Variants in CDH12 observed in about 807,000 individuals in gnomAD.
The protein encoded by CDH12 is cadherin-12.
A neutral mutation model predicts 74.1 loss-of-function variants in CDH12; 41 were observed. That is an observed-to-expected ratio of 0.55 (90% CI 0.43 to 0.72). The LOEUF is 0.72. Among genes scored for constraint, CDH12 ranks in the 30% least tolerant of loss-of-function variants. CDH12 has a pLI of 0.00. For missense variants in CDH12, 945 were observed against 977.2 expected (o/e 0.97, Z 0.44); for synonymous variants, 399 against 355.0 (o/e 1.12, Z -1.39).
intron 1 of CDH12, among the ~76,000 whole-genome samples, chr5:22,793,502 G>T (rs1263038683): frequency 6.6e-6 from 1 of 152,124 alleles, no homozygotes; most frequent in Non-Finnish European, 1.5e-5. Context: ...TGACACCATT[G>T]TATACTGTCT....
intron 6 of CDH12, among the ~76,000 whole-genome samples, chr5:21,899,294 G>T (rs914719418): frequency 2.0e-5 from 3 of 152,086 alleles, no homozygotes; most frequent in African/African-American, 7.2e-5. Flanking sequence ...TGGTTTTATA[G>T]ATCTCTTGAA....
intron 1 of CDH12, among the ~76,000 whole-genome samples, chr5:22,517,529 T>C (rs1467802378): frequency 6.6e-6 from 1 of 152,186 alleles, no homozygotes; most frequent in Non-Finnish European, 1.5e-5. Context: ...AGTAAATGAT[T>C]GATAGCCTCC....
chr5:22,704,471 G>A (rs560134551), intron 1 of CDH12, among the ~76,000 whole-genome samples: 19 of 151,968 alleles, frequency 1.3e-4, no homozygotes, highest in African/African-American at 4.3e-4. Flanking sequence ...AAAATATTAG[G>A]GTTATATCAC....
At chr5:21,864,864 A>C (rs1751244605) in intron 6 of CDH12, among the ~76,000 whole-genome samples, 1 of 152,180 alleles carries the variant, frequency 6.6e-6, no homozygotes, top group Non-Finnish European at 1.5e-5. Context: ...TGGAATGTTC[A>C]TAGAAATATG....
intron 5 of CDH12, among the ~76,000 whole-genome samples, chr5:22,064,720 T>C (rs1741441191): frequency 6.6e-6 from 1 of 152,132 alleles, no homozygotes; most frequent in Non-Finnish European, 1.5e-5. Flanking sequence ...CCTCTAACAT[T>C]ACTGAAAAAA....
chr5:22,849,789 A>C (rs1323356427), intron 1 of CDH12, among the ~76,000 whole-genome samples: 2 of 152,104 alleles, frequency 1.3e-5, no homozygotes, highest in Non-Finnish European at 2.9e-5. Flanking sequence ...CATATCTTAC[A>C]TTCAAGGTAA....
chr5:21,925,550 T>C (rs1000806758), intron 6 of CDH12, among the ~76,000 whole-genome samples: 3 of 152,180 alleles, frequency 2.0e-5, no homozygotes, highest in African/African-American at 7.2e-5. Context: ...GAAGCCACTA[T>C]TAAAATATAT....
At chr5:22,556,210 T>C (rs1738796839) in intron 1 of CDH12, among the ~76,000 whole-genome samples, 1 of 152,088 alleles carries the variant, frequency 6.6e-6, no homozygotes, top group South Asian at 2.1e-4. Context: ...GAAGGGGTAG[T>C]ATATTAACAC....
intron 1 of CDH12, among the ~76,000 whole-genome samples, chr5:22,803,183 T>G (rs1748623133): frequency 6.6e-6 from 1 of 152,214 alleles, no homozygotes; most frequent in African/African-American, 2.4e-5. Context: ...TATAAAAGTT[T>G]ATAATAGGCA....
intron 5 of CDH12, among the ~76,000 whole-genome samples, chr5:22,060,367 A>G (rs1741107547): frequency 6.6e-6 from 1 of 152,138 alleles, no homozygotes; most frequent in Non-Finnish European, 1.5e-5. Flanking sequence ...TACCTAATGC[A>G]TGCGGGACTT....
chr5:22,146,305 A>T (rs1286213676), intron 4 of CDH12, among the ~76,000 whole-genome samples: 1 of 151,008 alleles, frequency 6.6e-6, no homozygotes, highest in East Asian at 2.1e-4. Context: ...ACATGGCCTT[A>T]AAAAAGGTTA....
intron 6 of CDH12, among the ~76,000 whole-genome samples, chr5:21,927,421 T>G (rs1232345283): frequency 9.6e-5 from 3 of 31,264 alleles, no homozygotes; most frequent in African/African-American, 1.3e-4. Flanking sequence ...CTGTCTCTAC[T>G]AAAAATAAAA....
chr5:22,805,598 A>G (rs955413384), intron 1 of CDH12, among the ~76,000 whole-genome samples: 4 of 152,154 alleles, frequency 2.6e-5, no homozygotes, highest in Non-Finnish European at 5.9e-5. Context: ...TAAAGTTAAT[A>G]TATTTCATAA....
chr5:21,831,930 TA>T (rs1432656236), intron 8 of CDH12, among the ~76,000 whole-genome samples: 1 of 152,084 alleles, frequency 6.6e-6, no homozygotes, highest in Non-Finnish European at 1.5e-5. Flanking sequence ...TTTTAATTTC[TA>T]AAAAAGTCAC....
intron 6 of CDH12, chr5:21,883,506 G>T: frequency 6.2e-7 from 1 of 1,612,886 alleles, no homozygotes; most frequent in South Asian, 1.1e-5. Flanking sequence ...TCCAGGGTTT[G>T]GTGACAATAG....
chr5:22,805,968 T>C (rs1324124696), intron 1 of CDH12, among the ~76,000 whole-genome samples: 3 of 152,182 alleles, frequency 2.0e-5, no homozygotes, highest in African/African-American at 7.2e-5. Context: ...TTCATCTGTG[T>C]CTCTGCAAAG....
At chr5:22,595,301 T>A (rs984596189) in intron 1 of CDH12, among the ~76,000 whole-genome samples, 1 of 152,126 alleles carries the variant, frequency 6.6e-6, no homozygotes, top group African/African-American at 2.4e-5. Context: ...ATCTGACCCA[T>A]CCTGTGCATC....
chr5:21,973,188 C>A (rs181318650), intron 6 of CDH12, among the ~76,000 whole-genome samples: 1 of 152,022 alleles, frequency 6.6e-6, no homozygotes, highest in African/African-American at 2.4e-5. Context: ...GCCAGGGCAA[C>A]AGACCAAGAC....
intron 6 of CDH12, among the ~76,000 whole-genome samples, chr5:21,937,191 C>A (rs1310558963): frequency 6.6e-6 from 1 of 151,986 alleles, no homozygotes; most frequent in East Asian, 1.9e-4. Context: ...CATAATAGGA[C>A]AATATGGGAG....
Sources: gnomAD v4.1 joint callset for allele counts (sites outside exome capture counted in the v4.1 genomes callset) on GRCh38, gnomAD v4.1.1 for gene constraint, MANE v1.5 for transcripts, NCBI Gene and HGNC (gene_info 2026-07-23, HGNC 2026-07-21) for gene names.